AP3B1: variants seen among roughly 807,000 people sequenced by gnomAD.
AP3B1 encodes the protein AP-3 complex subunit beta-1.
AP3B1 carries 61 observed loss-of-function variants against 132.5 expected under a neutral mutation model. That is an observed-to-expected ratio of 0.46 (90% CI 0.37 to 0.57). AP3B1 has a LOEUF of 0.57. Ranked by LOEUF, AP3B1 falls within the 20% of genes least tolerant of loss-of-function variation. AP3B1 has a pLI of 0.00. For missense variants in AP3B1, 1,120 were observed against 1,289.4 expected (o/e 0.87, Z 2.01); for synonymous variants, 388 against 438.3 (o/e 0.89, Z 1.43).
intron 14 of AP3B1, among the ~76,000 whole-genome samples, chr5:78,147,989 C>A (rs1448415225): frequency 6.6e-6 from 1 of 150,904 alleles, no homozygotes; most frequent in Non-Finnish European, 1.5e-5. Context: ...GATGAGATTG[C>A]GCCACTGCAC....
intron 6 of AP3B1, among the ~76,000 whole-genome samples, chr5:78,223,194 C>CAAAT (rs1353750352): frequency 6.6e-6 from 1 of 151,472 alleles, no homozygotes; most frequent in Non-Finnish European, 1.5e-5. Flanking sequence ...TAGGCAGTTT[C>CAAAT]AAATATAAAA....
intron 7 of AP3B1, among the ~76,000 whole-genome samples, chr5:78,186,291 A>G (rs1744602645): frequency 6.6e-6 from 1 of 152,208 alleles, no homozygotes; most frequent in African/African-American, 2.4e-5. Flanking sequence ...AAATTACAAC[A>G]GAGAAGGACA....
chr5:78,087,639 C>G (rs1175815505), intron 22 of AP3B1: 3 of 985,128 alleles, frequency 3.0e-6, no homozygotes, highest in Admixed American at 1.2e-4. Context: ...TCATTTTTTG[C>G]CCAACTTTAG....
At chr5:78,121,443 G>A (rs418337) in intron 17 of AP3B1, among the ~76,000 whole-genome samples, 44,678 of 151,648 alleles carry the variant, frequency 0.29, 6,896 homozygotes, top group Admixed American at 0.41. Flanking sequence ...TTGATAGACT[G>A]CTAGCAAGAC....
rs376334145 is a variant in AP3B1, at chr5:78,162,983, C to A, written c.1231-32G>T. 8.7e-6 allele frequency: 14 copies of A among 1,604,422 alleles called. No homozygotes were observed. In the African/African-American group the frequency reaches 1.9e-4, roughly 21 times the overall value. On this transcript the variant is annotated intron_variant, in intron 12 of 26. Coordinates refer to ENST00000255194, the MANE Select transcript of AP3B1 (RefSeq NM_003664.5). ...GATATTATTTCAATTAGTTTACACA[C>A]TGGTATTATTGAGTTAACCAAAACT...
chr5:78,074,723 T>G (rs2112169486), intron 22 of AP3B1, among the ~76,000 whole-genome samples: 1 of 152,192 alleles, frequency 6.6e-6, no homozygotes, highest in African/African-American at 2.4e-5. Flanking sequence ...CTGAGACAGG[T>G]GGATCACCTG....
chr5:78,030,955 T>C (rs1028373301), intron 24 of AP3B1, among the ~76,000 whole-genome samples: 1 of 152,212 alleles, frequency 6.6e-6, no homozygotes, highest in Non-Finnish European at 1.5e-5. Context: ...GCTAGGGTTA[T>C]GGATGTAAGC....
intron 22 of AP3B1, among the ~76,000 whole-genome samples, chr5:78,057,212 T>C (rs147317086): frequency 1.4e-3 from 207 of 152,324 alleles, no homozygotes; most frequent in East Asian, 7.3e-3. Context: ...GAACTCTCCA[T>C]CCAATTTATG....
At chr5:78,238,842 G>C (rs993994474) in intron 3 of AP3B1, among the ~76,000 whole-genome samples, 1 of 151,220 alleles carries the variant, frequency 6.6e-6, no homozygotes, top group Non-Finnish European at 1.5e-5. Flanking sequence ...TATATTAAGT[G>C]TTAGCAAAAT....
At chr5:78,141,799 A>T (rs1410313099) in intron 14 of AP3B1, among the ~76,000 whole-genome samples, 6 of 152,184 alleles carry the variant, frequency 3.9e-5, no homozygotes, top group Non-Finnish European at 7.3e-5. Flanking sequence ...CACAAAAATC[A>T]TCCAGGGTTC....
rs149563892 is a variant in AP3B1 at position 78,188,909 on chromosome 5, G to A, written c.787-7247C>T. Among the ~76,000 whole-genome samples, 26 of 152,262 alleles carry A rather than the reference G, an allele frequency of 1.7e-4. 1 individual carries two copies. In the East Asian group the frequency reaches 3.7e-3, roughly 21 times the overall value. The stretch of plus-strand genomic sequence containing the variant: ...ATACTATGCAGCCATAAAAAGGAAC[G>A]AGATAATGTCCTTTGCAGGGACATG... On this transcript the variant is annotated intron_variant, in intron 7 of 26. Transcript: ENST00000255194.
intron 14 of AP3B1, among the ~76,000 whole-genome samples, chr5:78,142,780 C>T (rs1753209738): frequency 6.6e-6 from 1 of 151,988 alleles, no homozygotes; most frequent in African/African-American, 2.4e-5. Context: ...ACAAGAAATC[C>T]ATATACTTGT....
intron 2 of AP3B1, among the ~76,000 whole-genome samples, chr5:78,251,746 A>C (rs1247265904): frequency 1.3e-5 from 2 of 152,224 alleles, no homozygotes; most frequent in South Asian, 4.1e-4. Flanking sequence ...TAAACTTGAA[A>C]GACAGTCTAG....
intron 7 of AP3B1, among the ~76,000 whole-genome samples, chr5:78,193,770 A>ATATATTTATTTTTTTTT: frequency 1.5e-5 from 1 of 67,218 alleles, no homozygotes; most frequent in Non-Finnish European, 3.2e-5. Context: ...ATATATATAT[A>ATATATTTATTTTTTTTT]TTTTTTTTTT....
In AP3B1 at chr5:78,193,771, T is replaced by TATATA. The variant is rs1491367040; in HGVS notation, c.787-12110_787-12109insTATAT. ...ATATATATATATATATATATATATA[T>TATATA]TTTTTTTTTAGACAGAGTCTCGCTC... On this transcript the variant is annotated intron_variant, in intron 7 of 26. Coordinates refer to ENST00000255194, the MANE Select transcript of AP3B1 (RefSeq NM_003664.5). 9.0e-5 allele frequency among the ~76,000 whole-genome samples: 7 copies of TATATA among 78,110 alleles called. No homozygotes were observed. In the South Asian group the frequency reaches 2.0e-3, roughly 22 times the overall value. The allele number at this position is 78,110 out of a possible 152,430, so 51.2% of individuals were successfully genotyped here. A position where few individuals can be genotyped will look rare whatever the true frequency, so the allele number is the denominator to read the frequency against.
At chr5:78,168,462 G>A (rs555060048) in intron 11 of AP3B1, among the ~76,000 whole-genome samples, 1 of 151,714 alleles carries the variant, frequency 6.6e-6, no homozygotes, top group Non-Finnish European at 1.5e-5. Flanking sequence ...AGGCTCAAGC[G>A]ATCCTCCTGC....
At chr5:78,086,474 G>A (rs1480440142) in intron 22 of AP3B1, among the ~76,000 whole-genome samples, 2 of 152,168 alleles carry the variant, frequency 1.3e-5, no homozygotes, top group Admixed American at 6.5e-5. Context: ...GAGGTAAACT[G>A]GCTTGCCCGA....
chr5:78,032,722 G>A (rs986471419), intron 24 of AP3B1, among the ~76,000 whole-genome samples: 6 of 151,510 alleles, frequency 4.0e-5, no homozygotes, highest in Non-Finnish European at 7.4e-5. Flanking sequence ...ATGCTGTTGT[G>A]CTTAACAAAA....
chr5:78,173,986 C>A (rs1306126729), intron 11 of AP3B1, among the ~76,000 whole-genome samples: 2 of 152,172 alleles, frequency 1.3e-5, no homozygotes, highest in Admixed American at 1.3e-4. Flanking sequence ...GCTATTGAAG[C>A]TTGTGCATGT....
Sources: gnomAD v4.1 joint callset for allele counts (sites outside exome capture counted in the v4.1 genomes callset) on GRCh38, gnomAD v4.1.1 for gene constraint, MANE v1.5 for transcripts, NCBI Gene and HGNC (gene_info 2026-07-23, HGNC 2026-07-21) for gene names.